The following KCNA6 variants were observed in gnomAD, a reference collection of about 807,000 sequenced individuals.
The protein encoded by KCNA6 is human brain potassium channel-2.
Under a neutral mutation model 29.5 loss-of-function variants are expected in KCNA6, and 17 were observed. The observed-to-expected ratio is 0.58, with a 90% CI of 0.39 to 0.86. The LOEUF is 0.86. Ranked by LOEUF, KCNA6 falls within the 40% of genes least tolerant of loss-of-function variation. KCNA6 has a pLI of 0.00. For missense variants in KCNA6, 450 were observed against 703.4 expected, an observed-to-expected ratio of 0.64 and a Z score of 4.07; for synonymous variants, 296 against 304.7, an observed-to-expected ratio of 0.97 and a Z score of 0.30.
the KCNA6 span, among the ~76,000 whole-genome samples, chr12:4,826,635 T>A: frequency 6.6e-6 from 1 of 152,212 alleles, no homozygotes; most frequent in Admixed American, 6.5e-5. Flanking sequence ...CCCACCAGAG[T>A]CTTCACTGTA....
downstream of KCNA6, among the ~76,000 whole-genome samples, chr12:4,816,404 A>G (rs1946683169): frequency 6.6e-6 from 1 of 152,044 alleles, no homozygotes; most frequent in African/African-American, 2.4e-5. Flanking sequence ...GGGTAAGTGC[A>G]GGGCATAATT....
chr12:4,836,378 A>G, the KCNA6 span, among the ~76,000 whole-genome samples: 1 of 152,232 alleles, frequency 6.6e-6, no homozygotes, highest in Non-Finnish European at 1.5e-5. Flanking sequence ...TAAGTGAGGA[A>G]GAACAACAAA....
In KCNA6 at chr12:4,811,077, C is replaced by T. The variant is rs1196843403; in HGVS notation, c.1036C>T (p.Leu346=). The T allele has an allele frequency of 6.2e-7, 1 of 1,613,788 alleles. No individual in the cohort carries two copies. Among genetic ancestry groups the T allele is most frequent in the Non-Finnish European group, 8.5e-7 (1 of 1,179,912 alleles). Residue 346 remains leucine (L), a synonymous_variant, in exon 1 of 1, where the codon CTG becomes TTG. Transcript: ENST00000280684. The surrounding 1 kb of genome is among the most constrained non-coding windows in gnomAD (Gnocchi z 7.1). ...CCTGGCCATCCTCCGAGTCATCCGC[C>T]TGGTCCGGGTGTTCCGCATCTTCAA...
chr12:4,836,495 C>A, the KCNA6 span, among the ~76,000 whole-genome samples: 1 of 152,058 alleles, frequency 6.6e-6, no homozygotes, highest in Non-Finnish European at 1.5e-5. Context: ...AAATAAAATT[C>A]TTAATAAAAG....
Position 4,810,293 on chromosome 12 carries a change from C to G in KCNA6, c.252C>G (p.Tyr84Ter). Residue 84 changes from tyrosine (Y) to a stop codon, truncating the protein, a stop_gained, in exon 1 of 1, where the codon TAC becomes TAG. Transcript: ENST00000280684. LOFTEE classifies it high-confidence loss of function. This position sits in a 1 kb window ranked among gnomAD's most constrained non-coding sequence, Gnocchi z 7.5. ...TCTTCGACCCCCTGAGGAACGAGTACTTCTTCGACCGCAACCGGCCCAGCT... is the reference window on the plus strand; with the variant it reads ...TCTTCGACCCCCTGAGGAACGAGTAGTTCTTCGACCGCAACCGGCCCAGCT... The G allele has an allele frequency of 1.9e-6, 3 of 1,614,090 alleles. No individual in the cohort carries two copies. The highest frequency in any genetic ancestry group is 2.5e-6 in the Non-Finnish European group (3 of 1,180,036).
At chr12:4,815,078 T>C (rs1946669112), downstream of KCNA6, among the ~76,000 whole-genome samples, 2 of 152,192 alleles carry the variant, frequency 1.3e-5, no homozygotes, top group African/African-American at 4.8e-5. Flanking sequence ...TGTCTCTGCC[T>C]TTTTTCCCCT....
the KCNA6 span, among the ~76,000 whole-genome samples, chr12:4,819,367 C>T: frequency 6.6e-6 from 1 of 152,224 alleles, no homozygotes; most frequent in Non-Finnish European, 1.5e-5. Flanking sequence ...AGTTTTCCTA[C>T]CCTGTTCCAG....
exon 1 of KCNA6, chr12:4,809,958 C>T: frequency 6.9e-7 from 1 of 1,449,652 alleles, no homozygotes; most frequent in Non-Finnish European, 9.1e-7. Flanking sequence ...AGGGCGCAGC[C>T]GGGAGCTGGG....
chr12:4,850,951 T>C, the KCNA6 span: 191,413 of 360,960 alleles, frequency 0.53, 52,537 homozygotes, highest in Admixed American at 0.59. The surrounding 1 kb of genome is among the most constrained non-coding windows in gnomAD (Gnocchi z 5.4). Context: ...CCCAGAATGT[T>C]GGGGTGAAGC....
chr12:4,825,219 G>C, the KCNA6 span, among the ~76,000 whole-genome samples: 1 of 140,356 alleles, frequency 7.1e-6, no homozygotes, highest in Non-Finnish European at 1.6e-5. Flanking sequence ...ACTCATGCCA[G>C]AGTTCCTCAA....
chr12:4,846,311 T>A, the KCNA6 span, among the ~76,000 whole-genome samples: 3 of 152,178 alleles, frequency 2.0e-5, no homozygotes, highest in Admixed American at 1.3e-4. Context: ...GAAAATTGAC[T>A]TCCAACTATG....
Position 4,811,564 on chromosome 12 carries a change from G to T in KCNA6, c.1523G>T (p.Arg508Leu). ...GACTTCCCCGAGGCTAACCGGGAAC[G>T]GAGACCCAGCTACCTTCCTACACCA... The change falls in exon 1 of 1, where the codon CGG becomes CTG. Residue 508 changes from arginine (R) to leucine (L), a missense_variant. Arg to Leu is a moderately radical substitution (Grantham distance 102). Around this residue, in one of 7 missense-constraint regions of KCNA6, gnomAD observed 56 missense variants for 65.2 expected, o/e 0.86. Coordinates refer to ENST00000280684, the Ensembl canonical transcript of KCNA6. The surrounding 1 kb of genome is among the most constrained non-coding windows in gnomAD (Gnocchi z 7.1). The T allele has an allele frequency of 1.9e-6, 3 of 1,614,224 alleles. No individual in the cohort carries two copies. The highest frequency in any genetic ancestry group is 2.5e-6 in the Non-Finnish European group (3 of 1,180,040).
chr12:4,815,310 C>T (rs1946671675), downstream of KCNA6, among the ~76,000 whole-genome samples: 1 of 152,212 alleles, frequency 6.6e-6, no homozygotes, highest in African/African-American at 2.4e-5. Flanking sequence ...ACTTCTCACT[C>T]TGCCATTCTT....
At chr12:4,819,891 T>C in the KCNA6 span, among the ~76,000 whole-genome samples, 1 of 152,212 alleles carries the variant, frequency 6.6e-6, no homozygotes, top group Non-Finnish European at 1.5e-5. Flanking sequence ...CTTACACAGT[T>C]GCTGTGAGAT....
chr12:4,836,105 ATTTT>A, the KCNA6 span, among the ~76,000 whole-genome samples: 1 of 137,298 alleles, frequency 7.3e-6, no homozygotes, highest in African/African-American at 2.7e-5. Context: ...ATGCCTGGCT[ATTTT>A]TTTTTTTTTT....
At chr12:4,846,304 A>G in the KCNA6 span, among the ~76,000 whole-genome samples, 19,759 of 152,100 alleles carry the variant, frequency 0.13, 1,478 homozygotes, top group African/African-American at 0.2. Context: ...GTCTTAGGAA[A>G]ATTGACTTCC....
At chr12:4,818,933 CA>C in the KCNA6 span, among the ~76,000 whole-genome samples, 3 of 151,846 alleles carry the variant, frequency 2.0e-5, no homozygotes, top group East Asian at 1.9e-4. Context: ...CATACATACA[CA>C]AAAACACACA....
chr12:4,811,218 G>A lies in KCNA6; in HGVS notation c.1177G>A (p.Ala393Thr). The A allele has an allele frequency of 6.2e-7, 1 of 1,614,256 alleles. No homozygotes were observed. The highest frequency in any genetic ancestry group is 8.5e-7 in the Non-Finnish European group (1 of 1,180,046). Residue 393 changes from alanine (A) to threonine (T), a missense_variant, in exon 1 of 1, where the codon GCC becomes ACC. Coordinates refer to ENST00000280684, the Ensembl canonical transcript of KCNA6. This position sits in a 1 kb window ranked among gnomAD's most constrained non-coding sequence, Gnocchi z 7.1. ...CATCGGGGTCATCCTCTTCTCCAGT[G>A]CCGTCTACTTCGCAGAGGCTGACGA...
the KCNA6 span, among the ~76,000 whole-genome samples, chr12:4,837,545 A>G: frequency 1.3e-5 from 2 of 151,944 alleles, no homozygotes; most frequent in Non-Finnish European, 1.5e-5. Flanking sequence ...ATCAGAATGG[A>G]ATTGGAGGAC....
Sources: gnomAD v4.1 joint callset for allele counts (sites outside exome capture counted in the v4.1 genomes callset) on GRCh38, gnomAD v4.1.1 for gene constraint, gnomAD v4.1.1 regional missense constraint, Gnocchi (gnomAD v3.1) non-coding constraint, MANE v1.5 for transcripts, NCBI Gene and HGNC (gene_info 2026-07-23, HGNC 2026-07-21) for gene names.